The following RRBP1 variants were observed in gnomAD, a reference collection of about 807,000 sequenced individuals.
RRBP1 encodes the protein ribosome-binding protein 1.
RRBP1 carries 94 observed loss-of-function variants against 165.2 expected under a neutral mutation model. The observed-to-expected ratio is 0.57, with a 90% CI of 0.48 to 0.68. RRBP1 has a LOEUF of 0.68. Among genes scored for constraint, RRBP1 ranks in the 30% least tolerant of loss-of-function variants. RRBP1 has a pLI of 0.00. For missense variants in RRBP1, 1,676 were observed against 1,763.0 expected, an observed-to-expected ratio of 0.95 and a Z score of 0.88; for synonymous variants, 680 against 714.5, an observed-to-expected ratio of 0.95 and a Z score of 0.77.
chr20:17,618,282 C>T (rs1051580717), intron 20 of RRBP1, among the ~76,000 whole-genome samples: 1 of 152,178 alleles, frequency 6.6e-6, no homozygotes, highest in African/African-American at 2.4e-5. Flanking sequence ...CTGACGCCCC[C>T]AGGTGACTAC....
Position 17,614,079 on chromosome 20 carries a change from G to A in RRBP1, c.*103C>T, listed in dbSNP as rs2035743132. ...ATGGCTTCTCTCGGAGCTACCGGAA[G>A]TTGGGCCTGGATAACGCTGTGTAGG... On this transcript the variant is annotated 3_prime_UTR_variant, in exon 25 of 25. Coordinates refer to ENST00000377813, the MANE Select transcript of RRBP1 (RefSeq NM_001365613.2). 8.6e-7 allele frequency: 1 copy of A among 1,167,280 alleles called. No individual in the cohort carries two copies. Among genetic ancestry groups the A allele is most frequent in the Non-Finnish European group, 1.3e-6 (1 of 778,508 alleles). The allele number at this position is 1,167,280 out of a possible 1,614,324, so 72.3% of individuals were successfully genotyped here.
chr20:17,637,038 G>A (rs1383938531), intron 5 of RRBP1, among the ~76,000 whole-genome samples: 2 of 152,176 alleles, frequency 1.3e-5, no homozygotes, highest in Non-Finnish European at 2.9e-5. Flanking sequence ...CCAGGGCACT[G>A]GCTCGGCCCT....
chr20:17,631,008 T>C (rs1001710276), intron 8 of RRBP1, among the ~76,000 whole-genome samples: 9 of 152,190 alleles, frequency 5.9e-5, no homozygotes, highest in African/African-American at 2.2e-4. Flanking sequence ...ACCAAGGAGG[T>C]GGCCACTAGG....
intron 3 of RRBP1, among the ~76,000 whole-genome samples, chr20:17,647,078 C>A (rs2036478327): frequency 6.6e-6 from 1 of 152,210 alleles, no homozygotes; most frequent in Admixed American, 6.5e-5. Flanking sequence ...CCACAAAAGG[C>A]TCCGGCTCAG....
In RRBP1 at chr20:17,636,653, T is replaced by C. The variant is rs1378778111; in HGVS notation, c.2261A>G (p.Glu754Gly). 1.2e-6 allele frequency: 2 copies of C among 1,613,332 alleles called. No homozygotes were observed. Among genetic ancestry groups the C allele is most frequent in the Non-Finnish European group, 1.7e-6 (2 of 1,180,032 alleles). Residue 754 changes from glutamate to glycine, a missense_variant, in exon 6 of 25, where the codon GAG becomes GGG. This residue lies in a region of RRBP1 where 1,184 missense variants were observed against 1,167.1 expected (regional missense o/e 1.01). Transcript: ENST00000377813. The stretch of plus-strand genomic sequence containing the variant: ...CATGCGTGCCTGCACAGCCGTGATC[T>C]CCTGCTCCCGGGCCACCAGCTGCTT... ...VKKQLVAREQEITAVQARMQA... is the reference protein window; with the variant it reads ...VKKQLVAREQGITAVQARMQA...
rs549359383 is a variant in RRBP1 at position 17,616,915 on chromosome 20, C to T, written c.3760-76G>A. Reference sequence around the variant, plus strand: ...CCATGCTCACTCCTGCAGGGACCCCCTCGGAGGACCGTAGCTGCTCTCAAC... The same window carrying T: ...CCATGCTCACTCCTGCAGGGACCCCTTCGGAGGACCGTAGCTGCTCTCAAC... On this transcript the variant is annotated intron_variant, in intron 20 of 24. Coordinates refer to ENST00000377813, the MANE Select transcript of RRBP1 (RefSeq NM_001365613.2). The T allele has an allele frequency of 5.2e-5, 60 of 1,156,756 alleles. No individual in the cohort carries two copies. In the African/African-American group the frequency reaches 8.7e-4, roughly 17 times the overall value. The allele number at this position is 1,156,756 out of a possible 1,614,324, so 71.7% of individuals were successfully genotyped here.
intron 3 of RRBP1, among the ~76,000 whole-genome samples, chr20:17,650,233 A>T (rs2036530901): frequency 6.6e-6 from 1 of 152,196 alleles, no homozygotes; most frequent in Non-Finnish European, 1.5e-5. Flanking sequence ...ATTTACCCAT[A>T]ATCCTACCTC....
chr20:17,652,405 C>G (rs997095666), intron 3 of RRBP1, among the ~76,000 whole-genome samples: 4 of 152,202 alleles, frequency 2.6e-5, no homozygotes, highest in Non-Finnish European at 5.9e-5. Flanking sequence ...CAGCACAGCC[C>G]TAGGCCCTAC....
intron 22 of RRBP1, 129 bp from the exon 23 acceptor site, chr20:17,615,658 G>T: frequency 1.4e-6 from 1 of 692,616 alleles, no homozygotes; most frequent in Non-Finnish European, 2.3e-6. Flanking sequence ...CCATCCTGTA[G>T]CTGGAATGAG....
intron 3 of RRBP1, among the ~76,000 whole-genome samples, chr20:17,644,848 A>T (rs759839199): frequency 3.3e-5 from 5 of 152,258 alleles, no homozygotes; most frequent in African/African-American, 4.8e-5. Flanking sequence ...TTGTATGTTG[A>T]AATAACATTT....
intron 20 of RRBP1, among the ~76,000 whole-genome samples, chr20:17,617,341 G>C (rs1386279166): frequency 6.6e-6 from 1 of 152,260 alleles, no homozygotes; most frequent in South Asian, 2.1e-4. Flanking sequence ...CACTGGGCCT[G>C]CAATTTGAAG....
intron 11 of RRBP1, among the ~76,000 whole-genome samples, chr20:17,626,950 C>A (rs1270569882): frequency 1.3e-5 from 2 of 152,228 alleles, no homozygotes; most frequent in African/African-American, 4.8e-5. Flanking sequence ...CCTGGGTTCG[C>A]CATTCTGGGT....
intron 2 of RRBP1, among the ~76,000 whole-genome samples, chr20:17,675,933 C>T (rs1180150789): frequency 2.0e-5 from 3 of 152,222 alleles, no homozygotes; most frequent in Non-Finnish European, 4.4e-5. Flanking sequence ...GCAGGCTGGG[C>T]ATGCTGGCTC....
chr20:17,635,375 A>G (rs886689545), intron 7 of RRBP1, among the ~76,000 whole-genome samples, 171 bp downstream of exon 7: 1 of 152,232 alleles, frequency 6.6e-6, no homozygotes, highest in African/African-American at 2.4e-5. Context: ...GCCACCTGTT[A>G]GAAGACTCAG....
At chr20:17,678,405 C>T (rs2037121511) in intron 2 of RRBP1, among the ~76,000 whole-genome samples, 1 of 152,232 alleles carries the variant, frequency 6.6e-6, no homozygotes, top group Admixed American at 6.5e-5. Context: ...GTGTGGCCCC[C>T]CTCCCACTCC....
intron 23 of RRBP1, 26 bp from the exon 24 acceptor site, chr20:17,614,906 T>C: frequency 6.2e-7 from 1 of 1,610,408 alleles, no homozygotes; most frequent in Non-Finnish European, 8.5e-7. Context: ...TTGACGGGCA[T>C]CAGCCCTTGC....
At position 17,620,526 on chromosome 20, in the gene RRBP1, G is replaced by C. The variant is rs550175888; in HGVS notation, c.3508-156C>G. On this transcript the variant is annotated intron_variant, in intron 17 of 24. Coordinates refer to ENST00000377813, the MANE Select transcript of RRBP1 (RefSeq NM_001365613.2). ...ACGGTCACCCTGGCGCCATCTGGCAGTGTCTTCCTAGGCGGGGGCCTCCTG... is the reference window on the plus strand; with the variant it reads ...ACGGTCACCCTGGCGCCATCTGGCACTGTCTTCCTAGGCGGGGGCCTCCTG... The C allele has an allele frequency of 2.0e-5, 17 of 834,162 alleles. No individual in the cohort carries two copies. In the African/African-American group the frequency reaches 2.7e-4, roughly 13 times the overall value. The allele number at this position is 834,162 out of a possible 1,614,324, so 51.7% of individuals were successfully genotyped here. A position where few individuals can be genotyped will look rare whatever the true frequency, so the allele number is the denominator to read the frequency against.
chr20:17,665,122 C>G (rs1000571181), intron 2 of RRBP1, among the ~76,000 whole-genome samples: 7 of 150,794 alleles, frequency 4.6e-5, no homozygotes, highest in South Asian at 2.1e-4. Context: ...GGGGGGGGGA[C>G]ACACACACAT....
At chr20:17,681,460 C>T (rs2122532518) in intron 1 of RRBP1, among the ~76,000 whole-genome samples, 1 of 147,702 alleles carries the variant, frequency 6.8e-6, no homozygotes, top group African/African-American at 2.5e-5. Context: ...CGCCAGCGGG[C>T]CGCGGCCCGG....
Sources: allele counts gnomAD v4.1 joint callset (sites outside exome capture counted in the v4.1 genomes callset), GRCh38; gene constraint gnomAD v4.1.1; regional missense constraint gnomAD v4.1.1; transcripts MANE v1.5; gene names NCBI Gene and HGNC (gene_info 2026-07-23, HGNC 2026-07-21).